The following ANKLE2 variants were observed in gnomAD, a reference collection of about 807,000 sequenced individuals.
ANKLE2 encodes the protein ankyrin repeat and LEM domain-containing protein 2.
In ANKLE2, 55 loss-of-function variants were observed where a neutral mutation model predicts 84.2. That is an observed-to-expected ratio of 0.65 (90% confidence interval 0.53 to 0.82). The LOEUF (loss-of-function observed/expected upper bound fraction) is 0.82. Ranked by LOEUF, ANKLE2 falls within the 40% of genes least tolerant of loss-of-function variation. The probability of loss-of-function intolerance (pLI) is 0.00; values close to 1 mark genes in which losing one functional copy is unlikely to be tolerated. For missense variants in ANKLE2, 1,238 were observed against 1,201.9 expected (o/e 1.03, Z -0.44); for synonymous variants, 551 against 486.1 (o/e 1.13, Z -1.76).
chr12:132,736,651 T>C lies in ANKLE2; in HGVS notation c.1593+242A>G, dbSNP rs7138235. Among the ~76,000 whole-genome samples, 59,445 of 152,130 alleles carry C rather than the reference T, an allele frequency of 0.39. 12,877 individuals carry two copies. Among genetic ancestry groups the C allele is most frequent in the Non-Finnish European group, 0.49 (33,139 of 67,962 alleles). On this transcript the variant is annotated intron_variant, in intron 8 of 12. Coordinates refer to ENST00000357997, the MANE Select transcript of ANKLE2 (RefSeq NM_015114.3). ...GGGCTGGCCCAGGGAATGTCTGCTTTGTTGAGACAGTGGCTCCCAGCACAT... is the reference window on the plus strand; with the variant it reads ...GGGCTGGCCCAGGGAATGTCTGCTTCGTTGAGACAGTGGCTCCCAGCACAT...
At chr12:132,732,665 ACG>A in intron 10 of ANKLE2, among the ~76,000 whole-genome samples, 1 of 116,990 alleles carries the variant, frequency 8.5e-6, no homozygotes. Flanking sequence ...GGTGTCTGAT[ACG>A]CACCGTGTGA....
intron 8 of ANKLE2, 74 bp from the exon 9 acceptor site, chr12:132,735,586 C>T (rs182818167): frequency 5.6e-6 from 7 of 1,241,158 alleles, no homozygotes; most frequent in South Asian, 2.7e-5. Flanking sequence ...GAAGAGCCGT[C>T]GTCATCGCAG....
At chr12:132,760,115 C>G (rs944562529) in intron 1 of ANKLE2, 4 of 125,694 alleles carry the variant, frequency 3.2e-5, no homozygotes, top group Non-Finnish European at 6.3e-5. Flanking sequence ...GCCTGGGCCA[C>G]AGGGCGAGAC....
Position 132,725,822 on chromosome 12 carries a change from G to A in ANKLE2, c.*1420C>T, listed in dbSNP as rs778458562. On this transcript the variant is annotated 3_prime_UTR_variant, in exon 13 of 13. Coordinates refer to ENST00000357997, the MANE Select transcript of ANKLE2 (RefSeq NM_015114.3). ...TTTTAAAATGCGGCTTTTTAGAATA[G>A]CATGTGTTGTTTCTGTCTGGGATCT... The A allele has an allele frequency of 2.6e-5, 4 of 152,176 alleles. No individual in the cohort carries two copies. Among genetic ancestry groups the A allele is most frequent in the Admixed American group, 6.5e-5 (1 of 15,278 alleles). The allele number at this position is 152,176 out of a possible 1,614,324, so 9.4% of individuals were successfully genotyped here. A position where few individuals can be genotyped will look rare whatever the true frequency, so the allele number is the denominator to read the frequency against.
intron 11 of ANKLE2, among the ~76,000 whole-genome samples, chr12:132,728,870 G>A (rs1321367466): frequency 6.6e-6 from 1 of 152,202 alleles, no homozygotes; most frequent in Admixed American, 6.5e-5. Flanking sequence ...GATTGAGATT[G>A]ACCCCAAGAT....
chr12:132,734,187 G>A (rs1469995994), intron 10 of ANKLE2, 198 bp downstream of exon 10: 2 of 632,428 alleles, frequency 3.2e-6, no homozygotes, highest in African/African-American at 3.7e-5. Flanking sequence ...GGAGGTTGCA[G>A]TGAGCCAAGA....
chr12:132,742,779 ACTAC>A (rs2044155522), intron 6 of ANKLE2, among the ~76,000 whole-genome samples: 1 of 151,320 alleles, frequency 6.6e-6, no homozygotes. Context: ...CATCATCCTC[ACTAC>A]CACCATCATC....
At position 132,737,056 on chromosome 12, in the gene ANKLE2, TAGTAGTGGCCTG is replaced by T; in HGVS notation, c.1421-3_1429del. ...CTCTTCCGCTCTCAGGAGGGGCACG[TAGTAGTGGCCTG>T]AGGGAGGAGACAGGCACTGGCTGCA... On this transcript the variant is annotated splice_acceptor_variant and splice_polypyrimidine_tract_variant and coding_sequence_variant and intron_variant, in exon 8 of 13. Transcript: ENST00000357997. LOFTEE classifies it high-confidence loss of function. 6.3e-7 allele frequency: 1 copy of T among 1,599,810 alleles called. No individual in the cohort carries two copies. Among genetic ancestry groups the T allele is most frequent in the Non-Finnish European group, 8.5e-7 (1 of 1,169,722 alleles).
intron 7 of ANKLE2, 155 bp from the exon 8 acceptor site, chr12:132,737,220 A>G: frequency 1.5e-6 from 1 of 661,298 alleles, no homozygotes; most frequent in Non-Finnish European, 2.4e-6. Context: ...AGCTCACTGC[A>G]CTTAATGCAA....
In ANKLE2 at chr12:132,727,380, G is replaced by A. The variant is rs1268596424; in HGVS notation, c.2679C>T (p.His893=). 1 of 1,561,732 alleles carries A rather than the reference G, an allele frequency of 6.4e-7. No homozygotes were observed. The highest frequency in any genetic ancestry group is 8.7e-7 in the Non-Finnish European group (1 of 1,152,972). The part of the protein sequence containing the change: ...KSQLPDLSGP[H]SYSPGRNSVA... ...CGCTGTTTCTCCCCGGACTGTAGCT[G>A]TGAGGGCCACTGAGATCTGGCAGCT... The change falls in exon 13 of 13, where the codon CAC becomes CAT. Residue 893 remains histidine, a synonymous_variant. Transcript: ENST00000357997.
At chr12:132,733,186 G>T (rs2043925905) in intron 10 of ANKLE2, among the ~76,000 whole-genome samples, 1 of 149,582 alleles carries the variant, frequency 6.7e-6, no homozygotes, top group South Asian at 2.1e-4. Context: ...CTGCGTGCTG[G>T]TGTCTGATAT....
intron 2 of ANKLE2, among the ~76,000 whole-genome samples, chr12:132,752,010 A>G (rs1287486886): frequency 6.6e-6 from 1 of 152,168 alleles, no homozygotes; most frequent in Non-Finnish European, 1.5e-5. Context: ...TTTATGAACA[A>G]TGTAACAGAC....
At chr12:132,733,007 ATG>A (rs2043916952) in intron 10 of ANKLE2, among the ~76,000 whole-genome samples, 1 of 132,068 alleles carries the variant, frequency 7.6e-6, no homozygotes, top group Non-Finnish European at 1.6e-5. Context: ...GGTGTCTGAT[ATG>A]CACTGTGTGA....
intron 10 of ANKLE2, chr12:132,733,941 C>G (rs935932741): frequency 1.1e-5 from 5 of 456,848 alleles, no homozygotes; most frequent in African/African-American, 1.0e-4. Flanking sequence ...CTGCTCAAAG[C>G]GATGCCATTA....
chr12:132,761,566 G>T, intron 1 of ANKLE2, 52 bp downstream of exon 1: 1 of 1,194,580 alleles, frequency 8.4e-7, no homozygotes, highest in Non-Finnish European at 1.0e-6. Flanking sequence ...GGAGGGCGTC[G>T]GGGCGGGGAA....
At chr12:132,733,097 T>A (rs1409634262) in intron 10 of ANKLE2, among the ~76,000 whole-genome samples, 2 of 115,966 alleles carry the variant, frequency 1.7e-5, no homozygotes, top group East Asian at 2.8e-4. Flanking sequence ...CGTGTGAAGC[T>A]CTCTGCGTCC....
chr12:132,759,950 A>G (rs1383673527), intron 1 of ANKLE2: 1 of 152,132 alleles, frequency 6.6e-6, no homozygotes, highest in Non-Finnish European at 1.5e-5. Context: ...CCTGGCCAAC[A>G]TGGTGAAACC....
chr12:132,740,860 C>T (rs147853069), intron 7 of ANKLE2, among the ~76,000 whole-genome samples: 6 of 152,242 alleles, frequency 3.9e-5, no homozygotes, highest in South Asian at 4.2e-4. Context: ...GTCCCGGAGG[C>T]GAGTGGGGAG....
chr12:132,730,588 C>T (rs1453634439), intron 10 of ANKLE2: 1 of 347,606 alleles, frequency 2.9e-6, no homozygotes, highest in African/African-American at 2.1e-5. Flanking sequence ...TCTGGGAGGC[C>T]ATGGCAGGGG....
Sources: allele counts gnomAD v4.1 joint callset (sites outside exome capture counted in the v4.1 genomes callset), GRCh38; gene constraint gnomAD v4.1.1; transcripts MANE v1.5; gene names NCBI Gene and HGNC (gene_info 2026-07-23, HGNC 2026-07-21).